The following RABGAP1L variants were observed in gnomAD, a reference collection of about 807,000 sequenced individuals.
RABGAP1L encodes rab GTPase-activating protein 1-like.
In RABGAP1L, 63 loss-of-function variants were observed where a neutral mutation model predicts 137.7. The ratio of observed to expected loss-of-function variants is 0.46; its 90% CI spans 0.37 to 0.56. The LOEUF is 0.56. Ranked by LOEUF, RABGAP1L falls within the 20% of genes least tolerant of loss-of-function variation. RABGAP1L has a pLI of 0.00. For synonymous variants in RABGAP1L, 431 were observed against 433.7 expected, an observed-to-expected ratio of 0.99 and a Z score of 0.08; for missense variants, 1,095 against 1,244.0, an observed-to-expected ratio of 0.88 and a Z score of 1.80.
intron 11 of RABGAP1L, among the ~76,000 whole-genome samples, chr1:174,328,959 A>G (rs1291615341): frequency 3.3e-5 from 5 of 152,066 alleles, no homozygotes; most frequent in Non-Finnish European, 5.9e-5. Context: ...CGTCTCAAGG[A>G]ACTAGGAAAA....
intron 21 of RABGAP1L, among the ~76,000 whole-genome samples, chr1:174,970,894 G>A (rs1346266486): frequency 6.6e-6 from 1 of 151,970 alleles, no homozygotes; most frequent in Non-Finnish European, 1.5e-5. Flanking sequence ...TTTTGTTAAT[G>A]GGAAAATAAT....
intron 19 of RABGAP1L, among the ~76,000 whole-genome samples, chr1:174,855,456 G>A (rs948055668): frequency 5.9e-5 from 9 of 152,198 alleles, no homozygotes; most frequent in Non-Finnish European, 1.2e-4. Flanking sequence ...TTCCATGAGG[G>A]CCTTTGCTTA....
chr1:174,616,119 C>G (rs67967476), intron 13 of RABGAP1L, among the ~76,000 whole-genome samples: 88,189 of 152,088 alleles, frequency 0.58, 27,926 homozygotes, highest in African/African-American at 0.85. Flanking sequence ...CTCCCTAGTG[C>G]ATGAACCTGG....
chr1:174,984,190 C>T (rs1418125152), intron 24 of RABGAP1L, among the ~76,000 whole-genome samples: 1 of 152,130 alleles, frequency 6.6e-6, no homozygotes, highest in African/African-American at 2.4e-5. Context: ...TCCCCACCCC[C>T]AACAACAGGC....
intron 20 of RABGAP1L, chr1:174,958,139 C>A: frequency 6.7e-7 from 1 of 1,486,368 alleles, no homozygotes; most frequent in Non-Finnish European, 9.0e-7. Flanking sequence ...TTAAAAATAC[C>A]AACTCACTTG....
intron 13 of RABGAP1L, among the ~76,000 whole-genome samples, chr1:174,599,632 C>T (rs917876478): frequency 1.3e-5 from 2 of 152,064 alleles, no homozygotes; most frequent in Non-Finnish European, 2.9e-5. Context: ...TCCTTCAGCA[C>T]TTAAAATATG....
At chr1:174,334,166 G>A (rs1307309875) in intron 11 of RABGAP1L, among the ~76,000 whole-genome samples, 1 of 152,160 alleles carries the variant, frequency 6.6e-6, no homozygotes, top group Non-Finnish European at 1.5e-5. Flanking sequence ...TGTATGAAGG[G>A]AATCTGTGCT....
In RABGAP1L at chr1:174,990,130, C is replaced by A; in HGVS notation, c.*129C>A. On this transcript the variant is annotated 3_prime_UTR_variant, in exon 26 of 26. Transcript: ENST00000681986. ...CAAGCCAGAATTTTTCAGTAGCTCT[C>A]ACTCTTTCTTGTATGACACTTTTCA... 1 of 1,185,478 alleles carries A rather than the reference C, an allele frequency of 8.4e-7. No homozygotes were observed. Among genetic ancestry groups the A allele is most frequent in the Non-Finnish European group, 1.2e-6 (1 of 861,474 alleles). The allele number at this position is 1,185,478 out of a possible 1,614,324, so 73.4% of individuals were successfully genotyped here. A position where few individuals can be genotyped will look rare whatever the true frequency, so the allele number is the denominator to read the frequency against.
At chr1:174,377,512 C>G (rs1685651833) in intron 12 of RABGAP1L, among the ~76,000 whole-genome samples, 1 of 152,060 alleles carries the variant, frequency 6.6e-6, no homozygotes, top group African/African-American at 2.4e-5. Flanking sequence ...AGATTAGTGG[C>G]ATAGAAAAGA....
intron 11 of RABGAP1L, among the ~76,000 whole-genome samples, chr1:174,352,510 A>G (rs764395641): frequency 6.6e-6 from 1 of 152,138 alleles, no homozygotes; most frequent in Non-Finnish European, 1.5e-5. Flanking sequence ...ACTTTCTCAG[A>G]GCAGCTATTT....
At chr1:174,357,942 T>C (rs1196692817) in intron 11 of RABGAP1L, among the ~76,000 whole-genome samples, 1 of 152,228 alleles carries the variant, frequency 6.6e-6, no homozygotes, top group Non-Finnish European at 1.5e-5. Flanking sequence ...GCTTATTTCT[T>C]ACAGCCACTC....
intron 10 of RABGAP1L, among the ~76,000 whole-genome samples, chr1:174,292,019 TTTATTATTATTA>T (rs60906954): frequency 2.0e-4 from 28 of 139,036 alleles, no homozygotes; most frequent in Admixed American, 6.5e-4. Context: ...GATTAGATCA[TTTATTATTATTA>T]TTATTATTAT....
intron 15 of RABGAP1L, among the ~76,000 whole-genome samples, chr1:174,691,946 C>T (rs1678904944): frequency 6.6e-6 from 1 of 151,736 alleles, no homozygotes; most frequent in Admixed American, 6.6e-5. Context: ...TTTCTTTATG[C>T]CGATTGAGGG....
intron 19 of RABGAP1L, among the ~76,000 whole-genome samples, chr1:174,938,990 C>G (rs1443870550): frequency 6.6e-6 from 1 of 152,172 alleles, no homozygotes; most frequent in Non-Finnish European, 1.5e-5. Flanking sequence ...AAGAGGCACA[C>G]AAAATAAGCT....
At chr1:174,713,788 A>T (rs1469753021) in intron 17 of RABGAP1L, among the ~76,000 whole-genome samples, 1 of 152,234 alleles carries the variant, frequency 6.6e-6, no homozygotes, top group African/African-American at 2.4e-5. Flanking sequence ...CACACTCACT[A>T]GTTTATCAAG....
intron 13 of RABGAP1L, among the ~76,000 whole-genome samples, chr1:174,399,545 G>T (rs754698719): frequency 6.6e-6 from 1 of 152,058 alleles, no homozygotes; most frequent in African/African-American, 2.4e-5. Flanking sequence ...CCTACCAGAG[G>T]CCTCAGATTA....
intron 1 of RABGAP1L, among the ~76,000 whole-genome samples, chr1:174,197,205 AATG>A (rs1251767687): frequency 6.6e-6 from 1 of 152,166 alleles, no homozygotes; most frequent in Non-Finnish European, 1.5e-5. Context: ...CTGTAAACTT[AATG>A]AAGTTGAAGT....
chr1:174,350,489 G>A (rs1308503533), intron 11 of RABGAP1L, among the ~76,000 whole-genome samples: 15 of 133,732 alleles, frequency 1.1e-4, no homozygotes, highest in Admixed American at 2.2e-4. Flanking sequence ...CATCTCAGAC[G>A]ATGGGCTGCC....
At chr1:174,509,965 A>G (rs115003220) in intron 13 of RABGAP1L, among the ~76,000 whole-genome samples, 9,256 of 152,152 alleles carry the variant, frequency 0.061, 997 homozygotes, top group African/African-American at 0.21. Flanking sequence ...TGAGGCCCAC[A>G]TGTCCTCTTG....
Sources: allele counts gnomAD v4.1 joint callset (sites outside exome capture counted in the v4.1 genomes callset), GRCh38; gene constraint gnomAD v4.1.1; transcripts MANE v1.5; gene names NCBI Gene and HGNC (gene_info 2026-07-23, HGNC 2026-07-21).